Variants in JAZF1 observed in about 807,000 individuals in gnomAD.
JAZF1 encodes juxtaposed with another zinc finger protein 1.
JAZF1 carries 8 observed loss-of-function variants against 26.4 expected under a neutral mutation model. The ratio of observed to expected loss-of-function variants is 0.30; its 90% CI spans 0.18 to 0.55. The LOEUF (loss-of-function observed/expected upper bound fraction) is 0.55, where lower values mean the gene tolerates loss of function less well. Among genes scored for constraint, JAZF1 ranks in the 20% least tolerant of loss-of-function variants. The pLI, the probability that JAZF1 is intolerant of heterozygous loss-of-function variation, is 0.94. For synonymous variants in JAZF1, 126 were observed against 122.3 expected, an observed-to-expected ratio of 1.03 and a Z score of -0.20; for missense variants, 199 against 322.0, an observed-to-expected ratio of 0.62 and a Z score of 2.92.
Position 27,885,985 on chromosome 7 carries a change from A to G in JAZF1, c.385+9235T>C, listed in dbSNP as rs140615404. ...ATAGCTATTTCTAGAAGCCCTAACT[A>G]ACCTGACAACATAAGCCATTTCCAC... is the stretch of plus-strand genomic sequence containing the variant. On this transcript the variant is annotated intron_variant, in intron 3 of 4. Coordinates refer to ENST00000283928, the MANE Select transcript of JAZF1 (RefSeq NM_175061.4). 2.1e-3 allele frequency among the ~76,000 whole-genome samples: 315 copies of G among 152,296 alleles called. 2 individuals carry two copies. The highest frequency in any genetic ancestry group is 2.6e-3 in the Non-Finnish European group (175 of 68,036).
intron 3 of JAZF1, among the ~76,000 whole-genome samples, chr7:27,862,535 A>C (rs538212166): frequency 5.9e-5 from 9 of 152,214 alleles, no homozygotes; most frequent in Admixed American, 5.9e-4. Flanking sequence ...CATCTCAAAC[A>C]ATTTCAGACC....
chr7:27,889,889 C>T (rs995484573), intron 3 of JAZF1, among the ~76,000 whole-genome samples: 11 of 150,796 alleles, frequency 7.3e-5, no homozygotes, highest in African/African-American at 2.4e-4. Context: ...GCTGAGATCA[C>T]ACCACTGCAC....
rs201602870 is a variant in JAZF1, at chr7:28,035,313, C to CAAAAAAAAAAAAAAAAAAAAAAAA, written c.116-43356_116-43333dup. ...TGGGCGACAAAGTGAGACTCCATCT[C>CAAAAAAAAAAAAAAAAAAAAAAAA]AAAAAAAAAAAAAAAAAAAAAAAAA... is the stretch of plus-strand genomic sequence containing the variant. On this transcript the variant is annotated intron_variant, in intron 1 of 4. Coordinates refer to ENST00000283928, the MANE Select transcript of JAZF1 (RefSeq NM_175061.4). Among the ~76,000 whole-genome samples, 19 of 27,454 alleles carry CAAAAAAAAAAAAAAAAAAAAAAAA rather than the reference C, an allele frequency of 6.9e-4. 3 individuals are homozygous for CAAAAAAAAAAAAAAAAAAAAAAAA. Among genetic ancestry groups the CAAAAAAAAAAAAAAAAAAAAAAAA allele is most frequent in the Admixed American group, 3.2e-3 (5 of 1,572 alleles). The allele number at this position is 27,454 out of a possible 152,430, so 18.0% of individuals were successfully genotyped here.
At chr7:27,987,594 G>A (rs1305286090) in intron 2 of JAZF1, among the ~76,000 whole-genome samples, 7 of 150,474 alleles carry the variant, frequency 4.7e-5, no homozygotes, top group South Asian at 2.1e-4. Flanking sequence ...CCGGCCAGCC[G>A]CCCCGTCCGG....
At chr7:28,119,714 T>G (rs1172927131) in intron 1 of JAZF1, among the ~76,000 whole-genome samples, 1 of 152,194 alleles carries the variant, frequency 6.6e-6, no homozygotes, top group Non-Finnish European at 1.5e-5. Flanking sequence ...AGCCCCAAAT[T>G]ATGCCATTAA....
intron 2 of JAZF1, among the ~76,000 whole-genome samples, chr7:27,917,056 G>A (rs561179860): frequency 5.4e-4 from 82 of 152,294 alleles, no homozygotes; most frequent in African/African-American, 1.7e-3. Flanking sequence ...CTGGGCAACA[G>A]AGTGAGATCT....
In JAZF1 at chr7:28,009,674, G is replaced by A. The variant is rs1048457886; in HGVS notation, c.116-17693C>T. Among the ~76,000 whole-genome samples the A allele has an allele frequency of 3.3e-5, 5 of 152,160 alleles. No individual in the cohort carries two copies. The East Asian group carries it at 5.8e-4, about 18-fold the overall frequency. ...AAGTTTTTGTATTTTTAGTAGAGAC[G>A]GGGTTTCACCGTGTTAGCCAGGCTG... On this transcript the variant is annotated intron_variant, in intron 1 of 4. Coordinates refer to ENST00000283928, the MANE Select transcript of JAZF1 (RefSeq NM_175061.4).
At chr7:27,901,495 G>A (rs1351916050) in intron 2 of JAZF1, among the ~76,000 whole-genome samples, 1 of 152,170 alleles carries the variant, frequency 6.6e-6, no homozygotes, top group Non-Finnish European at 1.5e-5. Flanking sequence ...AGACTCCATT[G>A]CCACCTCACT....
chr7:27,941,479 A>G (rs1264209931), intron 2 of JAZF1, among the ~76,000 whole-genome samples: 1 of 152,188 alleles, frequency 6.6e-6, no homozygotes, highest in Admixed American at 6.5e-5. Flanking sequence ...TATCTGACTC[A>G]AGTCCGATTA....
At chr7:28,092,298 A>C (rs1784312538) in intron 1 of JAZF1, among the ~76,000 whole-genome samples, 1 of 110,476 alleles carries the variant, frequency 9.1e-6, no homozygotes, top group African/African-American at 3.1e-5. Flanking sequence ...GGCAAAAAAA[A>C]AAAAAAAAAA....
intron 4 of JAZF1, among the ~76,000 whole-genome samples, chr7:27,835,149 C>A (rs1408344958): frequency 6.6e-6 from 1 of 152,086 alleles, no homozygotes; most frequent in Non-Finnish European, 1.5e-5. Context: ...TACCTCTGTG[C>A]CCCAAAACCA....
chr7:27,991,866 A>G (rs1472739830), intron 2 of JAZF1, 43 bp downstream of exon 2: 1 of 971,906 alleles, frequency 1.0e-6, no homozygotes, highest in East Asian at 2.4e-5. Context: ...GTCAATAAGC[A>G]GCAGATATAA....
chr7:27,935,354 C>G (rs1784750166), intron 2 of JAZF1, among the ~76,000 whole-genome samples: 5 of 152,308 alleles, frequency 3.3e-5, no homozygotes, highest in Middle Eastern at 3.4e-3. Flanking sequence ...TATTCATACA[C>G]AAGAACATTC....
chr7:27,894,856 A>G (rs79589031), intron 3 of JAZF1, among the ~76,000 whole-genome samples: 6,691 of 152,278 alleles, frequency 0.044, 213 homozygotes, highest in Non-Finnish European at 0.063. Flanking sequence ...AAAGGATACA[A>G]TTATTTTAAC....
At chr7:27,857,153 G>A (rs531767387) in intron 3 of JAZF1, among the ~76,000 whole-genome samples, 55 of 152,324 alleles carry the variant, frequency 3.6e-4, no homozygotes, top group East Asian at 2.1e-3. Flanking sequence ...CCATGGGGGC[G>A]GGGGGAGGCT....
chr7:28,163,565 G>A (rs1253843687), intron 1 of JAZF1, among the ~76,000 whole-genome samples: 1 of 152,114 alleles, frequency 6.6e-6, no homozygotes, highest in South Asian at 2.1e-4. Context: ...AAGCCTTTAG[G>A]TTCTTAAGGA....
At chr7:27,974,143 G>C (rs1407377530) in intron 2 of JAZF1, among the ~76,000 whole-genome samples, 12 of 152,114 alleles carry the variant, frequency 7.9e-5, no homozygotes, top group Admixed American at 7.9e-4. Flanking sequence ...TAACGGGCCT[G>C]GCACTAGATG....
At position 27,894,323 on chromosome 7, in the gene JAZF1, G is replaced by A. The variant is rs76580672; in HGVS notation, c.385+897C>T. Among the ~76,000 whole-genome samples, 113 of 152,320 alleles carry A rather than the reference G, an allele frequency of 7.4e-4. No individual in the cohort carries two copies. The East Asian group carries it at 0.019, about 26-fold the overall frequency. On this transcript the variant is annotated intron_variant, in intron 3 of 4. Transcript: ENST00000283928. Reference sequence around the variant, plus strand: ...GCTGTGATTATACATGTGAGCCACAGCACCCAGCTGAAGTTCTAGTTTCTT... The same window carrying A: ...GCTGTGATTATACATGTGAGCCACAACACCCAGCTGAAGTTCTAGTTTCTT...
At chr7:28,037,451 A>T (rs1374344813) in intron 1 of JAZF1, among the ~76,000 whole-genome samples, 2 of 152,206 alleles carry the variant, frequency 1.3e-5, no homozygotes, top group African/African-American at 4.8e-5. Context: ...AACATTCTGA[A>T]AATGACTCAG....
Sources: gnomAD v4.1 joint callset for allele counts (sites outside exome capture counted in the v4.1 genomes callset) on GRCh38, gnomAD v4.1.1 for gene constraint, MANE v1.5 for transcripts, NCBI Gene and HGNC (gene_info 2026-07-23, HGNC 2026-07-21) for gene names.